The following MYCBP2 variants were observed in gnomAD, a reference collection of about 807,000 sequenced individuals.
MYCBP2 encodes the protein E3 ubiquitin-protein ligase MYCBP2.
In MYCBP2, 120 loss-of-function variants were observed where a neutral mutation model predicts 525.3. That is an observed-to-expected ratio of 0.23 (90% CI 0.20 to 0.27). The LOEUF is 0.27. Among genes scored for constraint, MYCBP2 ranks in the 10% least tolerant of loss-of-function variants. MYCBP2 has a pLI of 1.00. For synonymous variants in MYCBP2, 1,894 were observed against 1,955.8 expected (o/e 0.97, Z 0.83); for missense variants, 4,149 against 5,657.1 (o/e 0.73, Z 8.55).
chr13:77,170,748 T>A (rs1039175343), intron 38 of MYCBP2, among the ~76,000 whole-genome samples: 6 of 152,058 alleles, frequency 3.9e-5, no homozygotes, highest in Non-Finnish European at 7.4e-5. Context: ...GGCTAATTTT[T>A]TTATTTTTAG....
At chr13:77,190,938 T>G (rs1595282481) in intron 28 of MYCBP2, among the ~76,000 whole-genome samples, 1 of 152,184 alleles carries the variant, frequency 6.6e-6, no homozygotes, top group East Asian at 1.9e-4. Context: ...TTTCAAATAG[T>G]TTATGCTCAG....
rs188003416 is a variant in MYCBP2 at position 77,294,511 on chromosome 13, G to T, written c.378+2088C>A. Among the ~76,000 whole-genome samples, 630 of 152,226 alleles carry T rather than the reference G, an allele frequency of 4.1e-3. 1 individual carries two copies. Among genetic ancestry groups the T allele is most frequent in the Non-Finnish European group, 6.7e-3 (454 of 68,008 alleles). On this transcript the variant is annotated intron_variant, in intron 2 of 82. Transcript: ENST00000544440. Reference sequence around the variant, plus strand: ...CTGAATTACTAAGGGCACAAAGCTAGTTGGAGGCCGAATTGAAGGGGACAA... The same window carrying T: ...CTGAATTACTAAGGGCACAAAGCTATTTGGAGGCCGAATTGAAGGGGACAA...
At chr13:77,049,407 G>T (rs2036258414) in intron 82 of MYCBP2, among the ~76,000 whole-genome samples, 1 of 151,982 alleles carries the variant, frequency 6.6e-6, no homozygotes, top group South Asian at 2.1e-4. Context: ...TTTTGAAATG[G>T]ATAGTATATG....
chr13:77,074,976 A>T (rs910958388), intron 68 of MYCBP2, among the ~76,000 whole-genome samples: 9 of 152,178 alleles, frequency 5.9e-5, no homozygotes, highest in African/African-American at 2.2e-4. Flanking sequence ...TGGGAGGCCA[A>T]TGCTGGCAGA....
intron 69 of MYCBP2, among the ~76,000 whole-genome samples, chr13:77,069,987 C>T (rs1594211321): frequency 1.3e-5 from 2 of 152,108 alleles, no homozygotes; most frequent in South Asian, 2.1e-4. Context: ...GCTATTTCCT[C>T]ACCTGGTTAT....
chr13:77,135,401 G>T (rs1182612987), intron 52 of MYCBP2, among the ~76,000 whole-genome samples: 1 of 152,182 alleles, frequency 6.6e-6, no homozygotes, highest in Admixed American at 6.5e-5. Flanking sequence ...ATTTAGGTGT[G>T]TTATTTCCTT....
intron 23 of MYCBP2, among the ~76,000 whole-genome samples, chr13:77,208,185 G>C (rs1285852730): frequency 6.6e-6 from 1 of 151,944 alleles, no homozygotes; most frequent in East Asian, 1.9e-4. Context: ...AATGCTGAAG[G>C]CCTCAAACCT....
In MYCBP2 at chr13:77,058,887, A is replaced by C. The variant is rs925314781; in HGVS notation, c.13141-481T>G. Among the ~76,000 whole-genome samples the C allele has an allele frequency of 6.6e-6, 1 of 152,130 alleles. No individual in the cohort carries two copies. Among genetic ancestry groups the C allele is most frequent in the Non-Finnish European group, 1.5e-5 (1 of 68,030 alleles). On this transcript the variant is annotated intron_variant, in intron 77 of 82. Transcript: ENST00000544440. This position sits in a 1 kb window ranked among gnomAD's most constrained non-coding sequence, Gnocchi z 4.1. ...GTAATCCCAGCTACTTAGGAAGCTG[A>C]GGCAGGAGAATCGCTTGAACCCGGG...
At chr13:77,235,604 A>C (rs2154305678) in intron 17 of MYCBP2, among the ~76,000 whole-genome samples, 1 of 152,266 alleles carries the variant, frequency 6.6e-6, no homozygotes, top group East Asian at 1.9e-4. Flanking sequence ...ATTAGTCAAC[A>C]AAAATATACT....
intron 18 of MYCBP2, among the ~76,000 whole-genome samples, chr13:77,231,495 C>T (rs1386259396): frequency 6.6e-6 from 1 of 152,212 alleles, no homozygotes; most frequent in Non-Finnish European, 1.5e-5. Flanking sequence ...GATCCACCCC[C>T]TCAGCCTTCC....
chr13:77,260,703 ATTTG>A (rs907417763), intron 12 of MYCBP2, 111 bp from the exon 13 acceptor site: 2 of 958,978 alleles, frequency 2.1e-6, no homozygotes, highest in Non-Finnish European at 3.0e-6. Context: ...TTATGACACT[ATTTG>A]TTTATTTTCA....
chr13:77,153,844 A>AT (rs2056864246), intron 46 of MYCBP2, among the ~76,000 whole-genome samples: 1 of 152,176 alleles, frequency 6.6e-6, no homozygotes, highest in South Asian at 2.1e-4. Context: ...ATTTTATCCA[A>AT]CACTGTCAGA....
intron 1 of MYCBP2, among the ~76,000 whole-genome samples, chr13:77,311,913 G>C (rs1229657936): frequency 6.6e-6 from 1 of 151,884 alleles, no homozygotes; most frequent in African/African-American, 2.4e-5. Flanking sequence ...TCTTCAAAGA[G>C]GATAAACTTA....
intron 26 of MYCBP2, 135 bp from the exon 27 acceptor site, chr13:77,194,379 T>G (rs2061559907): frequency 1.3e-5 from 8 of 624,548 alleles, no homozygotes; most frequent in Non-Finnish European, 2.3e-5. Flanking sequence ...CCTGCTTTTT[T>G]AACATTACTA....
intron 40 of MYCBP2, 120 bp downstream of exon 40, chr13:77,168,308 A>G (rs764683863): frequency 1.2e-5 from 9 of 738,250 alleles, no homozygotes; most frequent in Non-Finnish European, 2.0e-5. Flanking sequence ...CTGATTCTCT[A>G]TATGTAAATA....
intron 53 of MYCBP2, 96 bp from the exon 54 acceptor site, chr13:77,125,564 T>A: frequency 7.5e-7 from 1 of 1,338,436 alleles, no homozygotes; most frequent in Non-Finnish European, 1.0e-6. Context: ...AATAGTGTAA[T>A]CATTCCAATA....
rs138979222 is a variant in MYCBP2, at chr13:77,278,348, C to G, written c.748+410G>C. Among the ~76,000 whole-genome samples, 1,329 of 152,234 alleles carry G rather than the reference C, an allele frequency of 8.7e-3. 21 individuals carry two copies. Among genetic ancestry groups the G allele is most frequent in the African/African-American group, 0.03 (1,238 of 41,540 alleles). On this transcript the variant is annotated intron_variant, in intron 4 of 82. Coordinates refer to ENST00000544440, the MANE Select transcript of MYCBP2 (RefSeq NM_015057.5). ...AGGGATTTATGTTTTGTTTGCCCCC[C>G]GCTTCATCATACTAATTGAGAAATG...
In MYCBP2 at chr13:77,064,634, C is replaced by T; in HGVS notation, c.12653G>A (p.Arg4218Lys). Residue 4218 changes from arginine to lysine, a missense_variant, in exon 73 of 83, where the codon AGA becomes AAA. Arg to Lys is a conservative substitution (Grantham distance 26). This residue lies in a region of MYCBP2 where 148 missense variants were observed against 179.4 expected (regional missense o/e 0.82). Coordinates refer to ENST00000544440, the MANE Select transcript of MYCBP2 (RefSeq NM_015057.5). ...ACCTACTCTAGTTGTTGCAATACAT[C>T]TCACTGGAGACCTAAATTCTTCTTC... ...KMEEEFRSPV[R>K]CIATTRLWLA... 1 of 1,612,450 alleles carries T rather than the reference C, an allele frequency of 6.2e-7. No homozygotes were observed. The highest frequency in any genetic ancestry group is 8.5e-7 in the Non-Finnish European group (1 of 1,179,128).
At chr13:77,103,324 C>T in intron 55 of MYCBP2, 1 of 397,352 alleles carries the variant, frequency 2.5e-6, no homozygotes, top group Non-Finnish European at 4.4e-6. Context: ...CAGTGGAAAA[C>T]ATTGGCAAAG....
Sources: allele counts gnomAD v4.1 joint callset (sites outside exome capture counted in the v4.1 genomes callset), GRCh38; gene constraint gnomAD v4.1.1; regional missense constraint gnomAD v4.1.1; non-coding constraint Gnocchi (gnomAD v3.1); transcripts MANE v1.5; gene names NCBI Gene and HGNC (gene_info 2026-07-23, HGNC 2026-07-21).